NTNG1: variants seen among roughly 807,000 people sequenced by gnomAD.
NTNG1 encodes the protein netrin G1.
A neutral mutation model predicts 54.0 loss-of-function variants in NTNG1; 16 were observed. That is an observed-to-expected ratio of 0.30 (90% CI 0.20 to 0.45). The LOEUF (loss-of-function observed/expected upper bound fraction) is 0.45. Ranked by LOEUF, NTNG1 falls within the 20% of genes least tolerant of loss-of-function variation. The pLI, the probability that NTNG1 is intolerant of heterozygous loss-of-function variation, is 1.00. For synonymous variants in NTNG1, 255 were observed against 263.1 expected, an observed-to-expected ratio of 0.97 and a Z score of 0.30; for missense variants, 530 against 678.7, an observed-to-expected ratio of 0.78 and a Z score of 2.43.
intron 2 of NTNG1, among the ~76,000 whole-genome samples, chr1:107,195,207 A>G (rs937072631): frequency 6.6e-6 from 1 of 151,884 alleles, no homozygotes; most frequent in East Asian, 1.9e-4. Flanking sequence ...CAGTTTCTTG[A>G]TCTGTAAAAT....
chr1:107,217,671 A>G (rs1012025467), intron 2 of NTNG1, among the ~76,000 whole-genome samples: 1 of 152,148 alleles, frequency 6.6e-6, no homozygotes, highest in Non-Finnish European at 1.5e-5. Flanking sequence ...CATTTCAAAG[A>G]ATCTTTTAGT....
chr1:107,456,724 G>T (rs753266107), intron 7 of NTNG1, among the ~76,000 whole-genome samples: 17 of 152,224 alleles, frequency 1.1e-4, no homozygotes, highest in Non-Finnish European at 2.4e-4. Flanking sequence ...TTTCATGTTT[G>T]TCCACAAAGA....
chr1:107,145,716 C>T (rs1301691363), intron 1 of NTNG1, among the ~76,000 whole-genome samples: 1 of 152,034 alleles, frequency 6.6e-6, no homozygotes, highest in Non-Finnish European at 1.5e-5. Flanking sequence ...TTGGCTGCCT[C>T]TTGTCAAGAA....
intron 3 of NTNG1, among the ~76,000 whole-genome samples, chr1:107,367,982 G>C (rs1670699280): frequency 6.6e-6 from 1 of 151,958 alleles, no homozygotes; most frequent in East Asian, 1.9e-4. Context: ...AGGGGATCAG[G>C]ATGGTCTGAC....
chr1:107,202,675 C>G (rs188298416), intron 2 of NTNG1, among the ~76,000 whole-genome samples: 1 of 151,948 alleles, frequency 6.6e-6, no homozygotes, highest in African/African-American at 2.4e-5. Context: ...AATTTACTTA[C>G]AGTAGCATTC....
intron 2 of NTNG1, among the ~76,000 whole-genome samples, chr1:107,310,206 ATCTC>A (rs1160003572): frequency 2.0e-5 from 3 of 152,144 alleles, no homozygotes; most frequent in Non-Finnish European, 4.4e-5. Context: ...TCTGACTTTC[ATCTC>A]TCTAACAATA....
At chr1:107,209,643 TTAGTTGGGCCAATTGA>T (rs1659468524) in intron 2 of NTNG1, among the ~76,000 whole-genome samples, 1 of 152,196 alleles carries the variant, frequency 6.6e-6, no homozygotes, top group Non-Finnish European at 1.5e-5. Flanking sequence ...ACATATGACC[TTAGTTGGGCCAATTGA>T]AGGTATTCCC....
intron 5 of NTNG1, among the ~76,000 whole-genome samples, chr1:107,416,291 T>A (rs1054374568): frequency 2.0e-5 from 3 of 152,136 alleles, no homozygotes; most frequent in Non-Finnish European, 1.5e-5. Flanking sequence ...AAGTTAGGCA[T>A]TCTACATAAT....
intron 3 of NTNG1, among the ~76,000 whole-genome samples, chr1:107,387,314 T>C (rs541864176): frequency 1.2e-4 from 18 of 152,308 alleles, no homozygotes; most frequent in African/African-American, 3.6e-4. Flanking sequence ...GGCCAAAAAT[T>C]TTATTCTGGT....
chr1:107,437,352 G>C (rs183733712), intron 7 of NTNG1, among the ~76,000 whole-genome samples: 1 of 152,184 alleles, frequency 6.6e-6, no homozygotes, highest in East Asian at 1.9e-4. Flanking sequence ...GGCACTATGC[G>C]AGGAGCTGTG....
chr1:107,461,476 C>T (rs1414962779), intron 7 of NTNG1, among the ~76,000 whole-genome samples: 2 of 152,064 alleles, frequency 1.3e-5, no homozygotes, highest in East Asian at 3.9e-4. Flanking sequence ...GGAAGATAAA[C>T]ACCAGATCAC....
intron 5 of NTNG1, among the ~76,000 whole-genome samples, chr1:107,423,580 A>G (rs1017996655): frequency 7.2e-5 from 11 of 152,158 alleles, no homozygotes; most frequent in African/African-American, 2.4e-4. Context: ...AATGGTTGCC[A>G]TGCCACATTG....
At chr1:107,164,858 A>T (rs769422721) in intron 2 of NTNG1, among the ~76,000 whole-genome samples, 18 of 152,196 alleles carry the variant, frequency 1.2e-4, no homozygotes, top group Non-Finnish European at 1.9e-4. Context: ...GAAGGGTGCA[A>T]CTTGCGACTG....
intron 3 of NTNG1, among the ~76,000 whole-genome samples, chr1:107,337,255 A>G (rs1668638538): frequency 6.6e-6 from 1 of 152,062 alleles, no homozygotes; most frequent in African/African-American, 2.4e-5. Flanking sequence ...TGGCATATAC[A>G]TACAGTGGAA....
At chr1:107,396,023 T>C (rs182480184) in intron 4 of NTNG1, among the ~76,000 whole-genome samples, 107 of 152,318 alleles carry the variant, frequency 7.0e-4, no homozygotes, top group Non-Finnish European at 1.2e-3. Context: ...TGATTCCCCA[T>C]AGGAAAACAG....
chr1:107,249,538 T>A (rs1467801346), intron 2 of NTNG1, among the ~76,000 whole-genome samples: 1 of 152,102 alleles, frequency 6.6e-6, no homozygotes, highest in East Asian at 1.9e-4. Context: ...TTGGACATTA[T>A]GTCTAAGACA....
intron 5 of NTNG1, among the ~76,000 whole-genome samples, chr1:107,420,230 A>G (rs968001249): frequency 2.0e-5 from 3 of 152,090 alleles, no homozygotes; most frequent in Non-Finnish European, 4.4e-5. Flanking sequence ...TTTCAGAAAT[A>G]TCATTATGTA....
intron 3 of NTNG1, among the ~76,000 whole-genome samples, chr1:107,378,010 G>T (rs979644071): frequency 2.6e-5 from 4 of 152,214 alleles, no homozygotes; most frequent in Non-Finnish European, 4.4e-5. Context: ...GATGTTGCTG[G>T]CAGAACTGCC....
rs2101629080 is a variant in NTNG1, at chr1:107,484,491, G to T, written c.*3651G>T. 6.6e-6 allele frequency among the ~76,000 whole-genome samples: 1 copy of T among 152,288 alleles called. No homozygotes were observed. The highest frequency in any genetic ancestry group is 1.5e-5 in the Non-Finnish European group (1 of 68,034). On this transcript the variant is annotated 3_prime_UTR_variant, in exon 8 of 8. Transcript: ENST00000370068. ...CATGGGGTCCTCCATTGGTACTTTTGCACAAGATCCTGCAGACATTTGGGG... is the reference window on the plus strand; with the variant it reads ...CATGGGGTCCTCCATTGGTACTTTTTCACAAGATCCTGCAGACATTTGGGG...
Sources: allele counts gnomAD v4.1 joint callset (sites outside exome capture counted in the v4.1 genomes callset), GRCh38; gene constraint gnomAD v4.1.1; transcripts MANE v1.5; gene names NCBI Gene and HGNC (gene_info 2026-07-23, HGNC 2026-07-21).